GCH1: variants seen among roughly 807,000 people sequenced by gnomAD.
GCH1 encodes GTP cyclohydrolase I.
GCH1 carries 5 observed loss-of-function variants against 25.9 expected under a neutral mutation model. The observed-to-expected ratio is 0.19, with a 90% confidence interval of 0.10 to 0.41. The LOEUF (loss-of-function observed/expected upper bound fraction) is 0.41. Ranked by LOEUF, GCH1 falls within the 10% of genes least tolerant of loss-of-function variation. The probability of loss-of-function intolerance (pLI) is 1.00; values close to 1 mark genes in which losing one functional copy is unlikely to be tolerated. For missense variants in GCH1, 261 were observed against 336.5 expected, an observed-to-expected ratio of 0.78 and a Z score of 1.75; for synonymous variants, 159 against 129.6, an observed-to-expected ratio of 1.23 and a Z score of -1.54.
intron 3 of GCH1, among the ~76,000 whole-genome samples, chr14:54,855,159 A>G (rs1350368537): frequency 1.3e-5 from 2 of 152,196 alleles, no homozygotes; most frequent in Non-Finnish European, 1.5e-5. Flanking sequence ...AGAAACTTGG[A>G]CTTTTTGGAC....
intron 3 of GCH1, among the ~76,000 whole-genome samples, chr14:54,857,567 G>A (rs983032718): frequency 2.6e-5 from 4 of 152,210 alleles, no homozygotes; most frequent in Non-Finnish European, 5.9e-5. Flanking sequence ...CAAGGTATAG[G>A]GTTAGCAATC....
At chr14:54,901,417 T>C (rs1295120819) in intron 1 of GCH1, among the ~76,000 whole-genome samples, 1 of 152,094 alleles carries the variant, frequency 6.6e-6, no homozygotes, top group African/African-American at 2.4e-5. Flanking sequence ...GGCAGCAAAG[T>C]CCCCATTTTC....
intron 1 of GCH1, among the ~76,000 whole-genome samples, chr14:54,880,832 A>C (rs1429882476): frequency 1.4e-5 from 1 of 73,574 alleles, no homozygotes; most frequent in African/African-American, 1.1e-4. Context: ...TATATACTCC[A>C]TATATATATA....
At chr14:54,885,663 G>A (rs1595013870) in intron 1 of GCH1, 1 of 250,116 alleles carries the variant, frequency 4.0e-6, no homozygotes, top group South Asian at 4.6e-5. Flanking sequence ...CCAAGGCAGG[G>A]GGATTACCTG....
At chr14:54,877,924 T>G (rs1238716283) in intron 1 of GCH1, among the ~76,000 whole-genome samples, 1 of 152,108 alleles carries the variant, frequency 6.6e-6, no homozygotes, top group Non-Finnish European at 1.5e-5. Context: ...GACCTGAGAA[T>G]TTGCATTTCT....
intron 1 of GCH1, among the ~76,000 whole-genome samples, chr14:54,897,416 G>A (rs1351506843): frequency 6.6e-6 from 1 of 151,938 alleles, no homozygotes; most frequent in Non-Finnish European, 1.5e-5. Flanking sequence ...AGCCTCCCAA[G>A]TAGCTGGGAT....
intron 4 of GCH1, 99 bp from the exon 5 acceptor site, chr14:54,845,951 T>C: frequency 5.1e-6 from 4 of 790,326 alleles, no homozygotes; most frequent in South Asian, 4.1e-5. Flanking sequence ...ATCAGACTTC[T>C]GTGAGATTTA....
chr14:54,862,275 C>A (rs989801700), intron 2 of GCH1, among the ~76,000 whole-genome samples: 1 of 151,816 alleles, frequency 6.6e-6, no homozygotes, highest in African/African-American at 2.4e-5. Context: ...AAGCTATCCT[C>A]CCACCTTGAC....
At chr14:54,897,329 C>T (rs1408931200) in intron 1 of GCH1, among the ~76,000 whole-genome samples, 1 of 140,398 alleles carries the variant, frequency 7.1e-6, no homozygotes, top group African/African-American at 2.7e-5. Context: ...GCTCTTGTTG[C>T]CCAGGCTGGA....
At chr14:54,876,672 A>T (rs1358052373) in intron 1 of GCH1, among the ~76,000 whole-genome samples, 1 of 151,910 alleles carries the variant, frequency 6.6e-6, no homozygotes, top group African/African-American at 2.4e-5. Context: ...TCTAAAAATC[A>T]TAATAATAAT....
chr14:54,876,621 A>G (rs2040165283), intron 1 of GCH1, among the ~76,000 whole-genome samples: 1 of 152,128 alleles, frequency 6.6e-6, no homozygotes, highest in African/African-American at 2.4e-5. Flanking sequence ...CTATGATTAC[A>G]CCACTGCATT....
chr14:54,850,806 A>G (rs1159345168), intron 3 of GCH1, among the ~76,000 whole-genome samples: 7 of 152,138 alleles, frequency 4.6e-5, no homozygotes. Context: ...AAGGACATGA[A>G]CTCATCTTTT....
chr14:54,872,993 C>T (rs1046717670), intron 1 of GCH1, among the ~76,000 whole-genome samples: 60 of 151,786 alleles, frequency 4.0e-4, no homozygotes, highest in African/African-American at 1.3e-3. Flanking sequence ...TAGCTCTGCA[C>T]CAAGCAGACC....
At chr14:54,892,464 G>A (rs1255261474) in intron 1 of GCH1, among the ~76,000 whole-genome samples, 7 of 152,202 alleles carry the variant, frequency 4.6e-5, no homozygotes, top group South Asian at 4.2e-4. Flanking sequence ...AGAAACGGGC[G>A]GATCATCTGA....
At chr14:54,871,630 A>C (rs977806678) in intron 1 of GCH1, among the ~76,000 whole-genome samples, 16 of 152,188 alleles carry the variant, frequency 1.1e-4, no homozygotes, top group African/African-American at 3.4e-4. Context: ...AACTAGAATA[A>C]CCAATGCAGA....
At position 54,902,336 on chromosome 14, in the gene GCH1, G is replaced by C. The variant is rs748944982; in HGVS notation, c.328C>G (p.Gln110Glu). ...GCGCACTGACCTGAGATGGTCTCCT[G>C]GTAGCCCTTGGTGAAGAACTGCATG... Reference protein sequence around the residue: ...SAMQFFTKGYQETISDVLNDA... With the variant: ...SAMQFFTKGYEETISDVLNDA... Residue 110 changes from glutamine (Q) to glutamate (E), a missense_variant, in exon 1 of 6, where the codon CAG becomes GAG. Physicochemically the swap from Gln to Glu is conservative, Grantham distance 29. This residue lies in a region of GCH1 where 130 missense variants were observed against 184.1 expected (regional missense o/e 0.71). Transcript: ENST00000491895. 182 of 1,612,526 alleles carry C rather than the reference G, an allele frequency of 1.1e-4. No homozygotes were observed. Among genetic ancestry groups the C allele is most frequent in the Admixed American group, 1.7e-4 (10 of 59,998 alleles).
Position 54,843,298 on chromosome 14 carries a change from A to C in GCH1, c.*719T>G. The stretch of plus-strand genomic sequence containing the variant: ...CTACACTCTAAATGATATTCTTATC[A>C]AGGCACAGAGAGTTAAATGTCTAAA... On this transcript the variant is annotated 3_prime_UTR_variant, in exon 6 of 6. Coordinates refer to ENST00000491895, the MANE Select transcript of GCH1 (RefSeq NM_000161.3). The C allele has an allele frequency of 7.4e-7, 1 of 1,351,252 alleles. No homozygotes were observed. 83.7% of individuals were successfully genotyped at this position (1,351,252 alleles called of 1,614,324 possible).
intron 3 of GCH1, among the ~76,000 whole-genome samples, chr14:54,853,655 G>T (rs1002795163): frequency 6.6e-6 from 1 of 151,820 alleles, no homozygotes; most frequent in Non-Finnish European, 1.5e-5. Flanking sequence ...AACATCCCTG[G>T]GTCATGTTGA....
intron 3 of GCH1, among the ~76,000 whole-genome samples, chr14:54,854,397 G>A (rs1000955101): frequency 3.9e-5 from 6 of 152,116 alleles, no homozygotes; most frequent in African/African-American, 1.4e-4. Flanking sequence ...AGGAAGTGGG[G>A]GTGCTGCACC....
Sources: allele counts gnomAD v4.1 joint callset (sites outside exome capture counted in the v4.1 genomes callset), GRCh38; gene constraint gnomAD v4.1.1; regional missense constraint gnomAD v4.1.1; transcripts MANE v1.5; gene names NCBI Gene and HGNC (gene_info 2026-07-23, HGNC 2026-07-21).